Variants in KLRD1 observed in about 807,000 individuals in gnomAD.
KLRD1 encodes killer cell lectin like receptor D1, also known as natural killer cells antigen CD94.
Under a neutral mutation model 22.6 loss-of-function variants are expected in KLRD1, and 21 were observed. The ratio of observed to expected loss-of-function variants is 0.93; its 90% CI spans 0.66 to 1.34. The LOEUF is 1.34. Among genes scored for constraint, KLRD1 ranks in the 40% most tolerant of loss-of-function variants. The pLI is 0.00. For missense variants in KLRD1, 183 were observed against 208.6 expected, an observed-to-expected ratio of 0.88 and a Z score of 0.76; for synonymous variants, 59 against 71.1, an observed-to-expected ratio of 0.83 and a Z score of 0.85.
At chr12:10,283,060 A>C (rs1489344632) in intron 1 of KLRD1, among the ~76,000 whole-genome samples, 3 of 152,238 alleles carry the variant, frequency 2.0e-5, no homozygotes, top group African/African-American at 7.2e-5. Flanking sequence ...AAGTTAACAG[A>C]GGAGGGTATT....
Position 10,328,832 on chromosome 12 carries a change from AG to A in KLRD1, c.*14041del, listed in dbSNP as rs1462243456. 2 of 152,208 alleles carry A rather than the reference AG, an allele frequency of 1.3e-5. No individual in the cohort carries two copies. The highest frequency in any genetic ancestry group is 4.8e-5 in the African/African-American group (2 of 41,424). 9.4% of individuals were successfully genotyped at this position (152,208 alleles called of 1,614,324 possible). ...GACTCACAGTTCCACGTGGCTGGGG[AG>A]GCCTCACTATCATGGCAGAAGGTAA... On this transcript the variant is annotated 3_prime_UTR_variant, in exon 6 of 6. Transcript: ENST00000336164.
chr12:10,288,253 A>AAG (rs1949729430), intron 1 of KLRD1, among the ~76,000 whole-genome samples: 1 of 151,900 alleles, frequency 6.6e-6, no homozygotes, highest in African/African-American at 2.4e-5. Context: ...AAAAAAAAAA[A>AAG]AAAAGAAAGA....
At chr12:10,240,481 C>T (rs1295521062) in intron 1 of KLRD1, among the ~76,000 whole-genome samples, 1 of 151,862 alleles carries the variant, frequency 6.6e-6, no homozygotes, top group Non-Finnish European at 1.5e-5. Context: ...GTTCTCTGCT[C>T]CCAGTGACTA....
intron 1 of KLRD1, among the ~76,000 whole-genome samples, chr12:10,296,832 C>T (rs7307026): frequency 0.022 from 3,410 of 152,272 alleles, 134 homozygotes; most frequent in African/African-American, 0.077. Flanking sequence ...ACATATGTTT[C>T]GCTGTGTTTC....
chr12:10,287,509 T>C (rs1949718864), intron 1 of KLRD1, among the ~76,000 whole-genome samples: 1 of 152,176 alleles, frequency 6.6e-6, no homozygotes, highest in Admixed American at 6.5e-5. Flanking sequence ...AAAAAGACCA[T>C]CCATTTTGGT....
At chr12:10,261,945 T>A (rs968423961) in intron 1 of KLRD1, among the ~76,000 whole-genome samples, 11 of 152,124 alleles carry the variant, frequency 7.2e-5, no homozygotes, top group Admixed American at 5.9e-4. Context: ...CAGATTCCCT[T>A]TAGTTTCTGT....
chr12:10,305,552 T>C (rs1289975764), upstream of KLRD1, among the ~76,000 whole-genome samples: 2 of 152,174 alleles, frequency 1.3e-5, no homozygotes, highest in African/African-American at 4.8e-5. Flanking sequence ...CAAAACACAA[T>C]GTTCAGAATT....
At chr12:10,250,253 A>G (rs1027152521) in intron 1 of KLRD1, among the ~76,000 whole-genome samples, 1 of 143,954 alleles carries the variant, frequency 6.9e-6, no homozygotes, top group Admixed American at 7.1e-5. Flanking sequence ...AGTGCTGGAA[A>G]CCAAGAAAGG....
chr12:10,278,196 C>T (rs557077472), intron 1 of KLRD1, among the ~76,000 whole-genome samples: 1 of 152,304 alleles, frequency 6.6e-6, no homozygotes, highest in South Asian at 2.1e-4. Context: ...TTGACCCTCT[C>T]TTGTAGCTGT....
At chr12:10,291,816 C>T (rs559206218) in intron 1 of KLRD1, among the ~76,000 whole-genome samples, 17 of 152,104 alleles carry the variant, frequency 1.1e-4, no homozygotes, top group East Asian at 7.7e-4. Flanking sequence ...TGATAGGCTG[C>T]GGTATGTGTT....
Position 10,243,734 on chromosome 12 carries a change from C to T in KLRD1, c.-101+17501C>T, listed in dbSNP as rs532301240. On this transcript the variant is annotated intron_variant, in intron 1 of 5. Coordinates refer to the KLRD1 transcript ENST00000544747. ...GTAACAATTTTACAGAATGAGCCAT[C>T]GAACTAGGATAAGAAGTGTGCAAAT... Among the ~76,000 whole-genome samples, 7 of 151,034 alleles carry T rather than the reference C, an allele frequency of 4.6e-5. No individual in the cohort carries two copies. The East Asian group carries it at 9.7e-4, about 21-fold the overall frequency.
chr12:10,310,190 C>A (rs1950027452), intron 3 of KLRD1, among the ~76,000 whole-genome samples: 1 of 152,202 alleles, frequency 6.6e-6, no homozygotes, highest in Non-Finnish European at 1.5e-5. Flanking sequence ...TGGCTCACTG[C>A]CACATCAGCC....
At chr12:10,239,518 CCTTTCTTT>C (rs55671846) in intron 1 of KLRD1, among the ~76,000 whole-genome samples, 6,557 of 58,690 alleles carry the variant, frequency 0.11, 258 homozygotes, top group Middle Eastern at 0.12. Context: ...CCTTCCCTCC[CCTTTCTTT>C]CTTTCTTTCT....
At chr12:10,272,067 T>G (rs1320360588) in intron 1 of KLRD1, among the ~76,000 whole-genome samples, 1 of 152,166 alleles carries the variant, frequency 6.6e-6, no homozygotes, top group African/African-American at 2.4e-5. Flanking sequence ...TAATGGGCAT[T>G]AGCATCTGCA....
intron 1 of KLRD1, among the ~76,000 whole-genome samples, chr12:10,279,669 T>C (rs1209506427): frequency 1.3e-5 from 2 of 152,218 alleles, no homozygotes; most frequent in South Asian, 2.1e-4. Flanking sequence ...ATTATAATAC[T>C]TACATAATCA....
intron 1 of KLRD1, among the ~76,000 whole-genome samples, chr12:10,251,706 G>T (rs1029740397): frequency 6.6e-6 from 1 of 151,630 alleles, no homozygotes; most frequent in South Asian, 2.1e-4. Flanking sequence ...GTCCCATCTG[G>T]GGGTGACGGG....
intron 4 of KLRD1, among the ~76,000 whole-genome samples, chr12:10,312,536 G>T (rs1050676097): frequency 6.6e-6 from 1 of 151,218 alleles, no homozygotes; most frequent in Non-Finnish European, 1.5e-5. Flanking sequence ...CCACAACCAC[G>T]CCCAGTTAAT....
chr12:10,278,087 C>A (rs547829315), intron 1 of KLRD1, among the ~76,000 whole-genome samples: 1 of 152,306 alleles, frequency 6.6e-6, no homozygotes, highest in Non-Finnish European at 1.5e-5. Context: ...AGACTTGTGG[C>A]CCCTGCCTAA....
At chr12:10,243,991 T>C (rs1020838625) in intron 1 of KLRD1, among the ~76,000 whole-genome samples, 1 of 152,148 alleles carries the variant, frequency 6.6e-6, no homozygotes, top group Non-Finnish European at 1.5e-5. Flanking sequence ...AGCTTGCCTG[T>C]CTATGTGGTT....
Sources: gnomAD v4.1 joint callset for allele counts (sites outside exome capture counted in the v4.1 genomes callset) on GRCh38, gnomAD v4.1.1 for gene constraint, MANE v1.5 for transcripts, NCBI Gene and HGNC (gene_info 2026-07-23, HGNC 2026-07-21) for gene names.